ADAMTSL1: variants seen among roughly 807,000 people sequenced by gnomAD.
ADAMTSL1 encodes ADAMTS like 1.
Under a neutral mutation model 201.8 loss-of-function variants are expected in ADAMTSL1, and 126 were observed. That is an observed-to-expected ratio of 0.62 (90% CI 0.54 to 0.72). The LOEUF (loss-of-function observed/expected upper bound fraction) is 0.72, where lower values mean the gene tolerates loss of function less well. Among genes scored for constraint, ADAMTSL1 ranks in the 30% least tolerant of loss-of-function variants. ADAMTSL1 has a pLI of 0.00. For synonymous variants in ADAMTSL1, 1,121 were observed against 903.4 expected (o/e 1.24, Z -4.32); for missense variants, 2,679 against 2,277.8 (o/e 1.18, Z -3.59).
chr9:17,918,063 C>T (rs1482776370), intron 1 of ADAMTSL1, among the ~76,000 whole-genome samples: 1 of 151,834 alleles, frequency 6.6e-6, no homozygotes, highest in South Asian at 2.1e-4. Flanking sequence ...CCTGATCAAT[C>T]TGCTTCATAG....
intron 16 of ADAMTSL1, among the ~76,000 whole-genome samples, chr9:18,763,098 G>A (rs1338215907): frequency 6.6e-6 from 1 of 152,136 alleles, no homozygotes; most frequent in Non-Finnish European, 1.5e-5. Flanking sequence ...TCTCCATAGT[G>A]GTTGTACTAA....
At chr9:18,473,954 C>T (rs1821322100), upstream of ADAMTSL1, 1 of 402,838 alleles carries the variant, frequency 2.5e-6, no homozygotes, top group Non-Finnish European at 4.4e-6. Flanking sequence ...CCCTTTTTTG[C>T]TCGCACCGTT....
intron 9 of ADAMTSL1, among the ~76,000 whole-genome samples, chr9:18,674,223 A>ACACACAC (rs1564139447): frequency 1.6e-3 from 211 of 130,648 alleles, no homozygotes; most frequent in Middle Eastern, 4.1e-3. Context: ...CACACACACA[A>ACACACAC]ACACACACAT....
At chr9:18,189,079 C>G (rs1828861363) in intron 2 of ADAMTSL1, among the ~76,000 whole-genome samples, 1 of 152,130 alleles carries the variant, frequency 6.6e-6, no homozygotes, top group Non-Finnish European at 1.5e-5. Flanking sequence ...ATGGGAAAAG[C>G]TGTATCCTAA....
intron 4 of ADAMTSL1, among the ~76,000 whole-genome samples, chr9:18,593,411 C>A (rs536144785): frequency 2.0e-5 from 3 of 151,896 alleles, no homozygotes; most frequent in African/African-American, 4.8e-5. Flanking sequence ...TCATTTATTT[C>A]TGCTCTGATC....
At chr9:18,083,051 G>A (rs969637950) in intron 1 of ADAMTSL1, among the ~76,000 whole-genome samples, 1 of 152,186 alleles carries the variant, frequency 6.6e-6, no homozygotes. Context: ...AAAATTAAAA[G>A]TGCATCTTTA....
At chr9:18,554,823 C>G (rs916947114) in intron 3 of ADAMTSL1, among the ~76,000 whole-genome samples, 1 of 151,710 alleles carries the variant, frequency 6.6e-6, no homozygotes, top group African/African-American at 2.4e-5. Flanking sequence ...CTATCAATGT[C>G]CTGTCCCAGA....
At chr9:18,412,959 G>A (rs1818510898) in intron 2 of ADAMTSL1, among the ~76,000 whole-genome samples, 1 of 152,112 alleles carries the variant, frequency 6.6e-6, no homozygotes, top group Non-Finnish European at 1.5e-5. Flanking sequence ...TGATGTTAGA[G>A]ATATCTATGT....
intron 2 of ADAMTSL1, among the ~76,000 whole-genome samples, chr9:18,261,060 A>G (rs1239838529): frequency 2.1e-5 from 1 of 47,536 alleles, no homozygotes; most frequent in African/African-American, 9.0e-5. Flanking sequence ...TGTGTTTCCT[A>G]TTAAATGGGG....
At chr9:18,721,508 C>G in intron 14 of ADAMTSL1, 28 bp from the exon 15 acceptor site, 1 of 1,611,764 alleles carries the variant, frequency 6.2e-7, no homozygotes, top group African/African-American at 1.3e-5. Context: ...ACTTTGCACT[C>G]TGGCCTGACC....
At chr9:18,204,744 A>G (rs930825080) in intron 2 of ADAMTSL1, among the ~76,000 whole-genome samples, 1 of 152,140 alleles carries the variant, frequency 6.6e-6, no homozygotes, top group African/African-American at 2.4e-5. Flanking sequence ...AGGGAGGGGA[A>G]TCTATTGGCT....
intron 2 of ADAMTSL1, among the ~76,000 whole-genome samples, chr9:18,532,002 A>C (rs1819472959): frequency 6.6e-6 from 1 of 152,176 alleles, no homozygotes; most frequent in Non-Finnish European, 1.5e-5. Flanking sequence ...GGTTTTTGAG[A>C]ATATTAAATA....
chr9:18,865,351 C>T (rs1385716405), intron 23 of ADAMTSL1, among the ~76,000 whole-genome samples: 1 of 152,148 alleles, frequency 6.6e-6, no homozygotes, highest in East Asian at 1.9e-4. Context: ...TCATCCATGT[C>T]CCTACAAAGG....
At chr9:17,914,692 A>C (rs982896631) in intron 1 of ADAMTSL1, among the ~76,000 whole-genome samples, 1 of 151,828 alleles carries the variant, frequency 6.6e-6, no homozygotes, top group African/African-American at 2.4e-5. Context: ...CAGGAGAAGG[A>C]AATAAACGGT....
intron 3 of ADAMTSL1, among the ~76,000 whole-genome samples, chr9:18,537,480 A>G (rs181269060): frequency 3.3e-5 from 5 of 152,320 alleles, no homozygotes; most frequent in African/African-American, 1.2e-4. Flanking sequence ...GAGGAAGAGT[A>G]TTGGAAGATA....
chr9:18,339,413 C>G (rs1441899746), intron 2 of ADAMTSL1, among the ~76,000 whole-genome samples: 1 of 152,108 alleles, frequency 6.6e-6, no homozygotes, highest in Non-Finnish European at 1.5e-5. Context: ...GATACCATCT[C>G]ACACTAATCA....
intron 1 of ADAMTSL1, among the ~76,000 whole-genome samples, chr9:18,096,118 T>C (rs141367445): frequency 3.3e-3 from 506 of 152,284 alleles, no homozygotes; most frequent in Non-Finnish European, 5.4e-3. Context: ...TTAGTAACAA[T>C]ACTAGTATTA....
At chr9:18,087,466 A>G (rs539897826) in intron 1 of ADAMTSL1, among the ~76,000 whole-genome samples, 1 of 152,144 alleles carries the variant, frequency 6.6e-6, no homozygotes, top group Non-Finnish European at 1.5e-5. Context: ...TAAGTTCTAC[A>G]AATTAGCCTA....
At chr9:18,196,253 C>G (rs1454002111) in intron 2 of ADAMTSL1, among the ~76,000 whole-genome samples, 3 of 151,992 alleles carry the variant, frequency 2.0e-5, no homozygotes, top group African/African-American at 7.2e-5. Flanking sequence ...AGATGAGCTA[C>G]TGATGTGAAT....
Sources: gnomAD v4.1 joint callset for allele counts (sites outside exome capture counted in the v4.1 genomes callset) on GRCh38, gnomAD v4.1.1 for gene constraint, MANE v1.5 for transcripts, NCBI Gene and HGNC (gene_info 2026-07-23, HGNC 2026-07-21) for gene names.